CNOT1: variants seen among roughly 807,000 people sequenced by gnomAD.
CNOT1 encodes CCR4-NOT transcription complex subunit 1, also known as CCR4-associated factor 1.
CNOT1 carries 15 observed loss-of-function variants against 273.8 expected under a neutral mutation model. That is an observed-to-expected ratio of 0.05 (90% confidence interval 0.04 to 0.08). The LOEUF is 0.08. CNOT1 is among the 10% of genes least tolerant of loss of function. CNOT1 has a pLI of 1.00. For missense variants in CNOT1, 1,644 were observed against 2,912.2 expected, an observed-to-expected ratio of 0.56 and a Z score of 10.02; for synonymous variants, 1,022 against 1,005.5, an observed-to-expected ratio of 1.02 and a Z score of -0.31.
intron 2 of CNOT1, chr16:58,597,481 AAAAG>A (rs967136322): frequency 1.6e-4 from 31 of 189,730 alleles, no homozygotes; most frequent in East Asian, 3.5e-4. Flanking sequence ...TCTCAAAAAA[AAAAG>A]AAAGAAAGTA....
Position 58,558,601 on chromosome 16 carries a change from C to T in CNOT1, c.2204G>A (p.Gly735Asp). 3.1e-6 allele frequency: 5 copies of T among 1,613,128 alleles called. No individual in the cohort carries two copies. The highest frequency in any genetic ancestry group is 4.2e-6 in the Non-Finnish European group (5 of 1,179,582). Residue 735 changes from glycine to aspartate, a missense_variant, in exon 18 of 49, where the codon GGT becomes GAT. Physicochemically the swap from Gly to Asp is moderately conservative, Grantham distance 94. Coordinates refer to ENST00000317147, the MANE Select transcript of CNOT1 (RefSeq NM_016284.5). ...TGCAGAACCCAAATTTGGAGGAAAA[C>T]CCTGCATACTCTGGGTGTGAGGGGC... ...SAAPHTQSMQ[G>D]FPPNLGSAFS...
intron 16 of CNOT1, among the ~76,000 whole-genome samples, chr16:58,562,208 A>G (rs767589220): frequency 6.6e-6 from 1 of 150,640 alleles, no homozygotes; most frequent in Admixed American, 6.6e-5. Flanking sequence ...GAGGCTCTAC[A>G]TGGTAGCTGG....
intron 2 of CNOT1, among the ~76,000 whole-genome samples, chr16:58,596,746 G>A (rs2042266864): frequency 6.6e-6 from 1 of 151,926 alleles, no homozygotes; most frequent in Admixed American, 6.6e-5. Flanking sequence ...AAATTAGCCG[G>A]GTGTGGTGGC....
intron 43 of CNOT1, among the ~76,000 whole-genome samples, chr16:58,529,433 T>C (rs1056003464): frequency 2.0e-5 from 3 of 151,960 alleles, no homozygotes; most frequent in Non-Finnish European, 4.4e-5. Context: ...TTAAAACATA[T>C]AAAGAATTAT....
At chr16:58,537,802 C>A in intron 38 of CNOT1, 89 bp downstream of exon 38, 2 of 1,531,134 alleles carry the variant, frequency 1.3e-6, no homozygotes, top group Non-Finnish European at 1.8e-6. Context: ...GCAGTTATAA[C>A]AAGTAATGTT....
At chr16:58,599,027 G>T (rs1217464477) in intron 2 of CNOT1, 2 of 419,372 alleles carry the variant, frequency 4.8e-6, no homozygotes, top group East Asian at 5.5e-5. Context: ...CTCCAGCCTG[G>T]ACGACAGAGT....
intron 1 of CNOT1, among the ~76,000 whole-genome samples, chr16:58,612,286 C>T (rs1373339575): frequency 1.3e-5 from 2 of 152,104 alleles, no homozygotes; most frequent in Non-Finnish European, 2.9e-5. Context: ...TGCCAACTTC[C>T]AATACTAAAA....
intron 1 of CNOT1, among the ~76,000 whole-genome samples, chr16:58,611,691 G>C (rs1324622554): frequency 1.3e-5 from 2 of 150,266 alleles, no homozygotes; most frequent in Non-Finnish European, 3.0e-5. Context: ...TGTGGTGGCA[G>C]GCATCTGCAG....
chr16:58,608,320 C>A (rs1264202821), intron 1 of CNOT1, among the ~76,000 whole-genome samples: 1 of 151,808 alleles, frequency 6.6e-6, no homozygotes, highest in African/African-American at 2.4e-5. Flanking sequence ...TATGGGAGAC[C>A]AAAGAAGGCA....
Position 58,520,907 on chromosome 16 carries a change from C to T in CNOT1, c.*51G>A, listed in dbSNP as rs764751934. On this transcript the variant is annotated 3_prime_UTR_variant, in exon 49 of 49. Transcript: ENST00000317147. Reference sequence around the variant, plus strand: ...GGATTCTTCAGTCAGTTTATGAACTCGGTGCAGTGAGACCTCTAGACTGAC... The same window carrying T: ...GGATTCTTCAGTCAGTTTATGAACTTGGTGCAGTGAGACCTCTAGACTGAC... 9.6e-6 allele frequency: 15 copies of T among 1,559,204 alleles called. No individual in the cohort carries two copies. Among genetic ancestry groups the T allele is most frequent in the South Asian group, 3.3e-5 (3 of 90,076 alleles).
chr16:58,542,729 C>CAA (rs1385847793), intron 31 of CNOT1, among the ~76,000 whole-genome samples, 161 bp from the exon 32 acceptor site: 4 of 152,186 alleles, frequency 2.6e-5, no homozygotes, highest in African/African-American at 9.6e-5. Context: ...ACAGTCTTAA[C>CAA]AGCTTCCTCA....
chr16:58,625,852 T>C (rs11646336), intron 1 of CNOT1, among the ~76,000 whole-genome samples: 4,584 of 104,220 alleles, frequency 0.044, 91 homozygotes, highest in Non-Finnish European at 0.062. Context: ...AGTGAAACCC[T>C]GTCTCAAAAA....
chr16:58,580,500 C>A, intron 12 of CNOT1, 133 bp downstream of exon 12: 1 of 1,348,642 alleles, frequency 7.4e-7, no homozygotes, highest in Non-Finnish European at 9.6e-7. Context: ...TCTATAAATA[C>A]TTAAGATAAG....
chr16:58,614,275 T>C (rs2043004114), intron 1 of CNOT1, among the ~76,000 whole-genome samples: 1 of 123,856 alleles, frequency 8.1e-6, no homozygotes, highest in Non-Finnish European at 1.9e-5. Context: ...CTTGCACAGT[T>C]GGCCCTTGGC....
intron 1 of CNOT1, among the ~76,000 whole-genome samples, chr16:58,627,993 A>C (rs1209991869): frequency 5.3e-5 from 8 of 151,982 alleles, no homozygotes; most frequent in Admixed American, 5.3e-4. Context: ...ACGCCCGGCT[A>C]ATTTTTGTAT....
intron 43 of CNOT1, 39 bp downstream of exon 43, chr16:58,530,207 C>T (rs756293219): frequency 5.4e-6 from 8 of 1,489,980 alleles, no homozygotes; most frequent in Non-Finnish European, 7.4e-6. Context: ...TTCTTAAGAT[C>T]TCAGTTATTT....
intron 31 of CNOT1, 186 bp downstream of exon 31, chr16:58,543,421 A>C (rs1270112878): frequency 2.0e-6 from 3 of 1,492,906 alleles, no homozygotes; most frequent in Middle Eastern, 1.8e-4. Context: ...GAAAAAAAAA[A>C]AAACACACAG....
Position 58,586,598 on chromosome 16 carries a change from G to A in CNOT1, c.584C>T (p.Ala195Val). The A allele has an allele frequency of 1.2e-6, 2 of 1,612,478 alleles. No homozygotes were observed. The highest frequency in any genetic ancestry group is 1.7e-6 in the Non-Finnish European group (2 of 1,179,668). ...LSHLLFGQKG[A>V]FGVGQEQIDA... is the part of the protein sequence containing the mutation. The stretch of plus-strand genomic sequence containing the variant: ...TATCTGTTCTTGTCCAACTCCAAAG[G>A]CTCCCTTCTGCCCAAAGAGGAGATG... The change falls in exon 7 of 49, where the codon GCC becomes GTC. Residue 195 changes from alanine to valine, a missense_variant. Transcript: ENST00000317147.
chr16:58,618,874 T>C (rs1266017969), intron 1 of CNOT1, among the ~76,000 whole-genome samples: 2 of 152,146 alleles, frequency 1.3e-5, no homozygotes, highest in Non-Finnish European at 2.9e-5. Context: ...GCCTTGTGTA[T>C]GTGCCTTAAA....
Sources: allele counts gnomAD v4.1 joint callset (sites outside exome capture counted in the v4.1 genomes callset), GRCh38; gene constraint gnomAD v4.1.1; transcripts MANE v1.5; gene names NCBI Gene and HGNC (gene_info 2026-07-23, HGNC 2026-07-21).